CDH23: variants seen among roughly 807,000 people sequenced by gnomAD.
The protein encoded by CDH23 is cadherin related 23.
In CDH23, 189 loss-of-function variants were observed where a neutral mutation model predicts 317.1. The observed-to-expected ratio is 0.60, with a 90% CI of 0.53 to 0.67. The LOEUF (loss-of-function observed/expected upper bound fraction) is 0.67. Ranked by LOEUF, CDH23 falls within the 30% of genes least tolerant of loss-of-function variation. The pLI, the probability that CDH23 is intolerant of heterozygous loss-of-function variation, is 0.00. For synonymous variants in CDH23, 1,839 were observed against 1,876.8 expected (o/e 0.98, Z 0.52); for missense variants, 4,401 against 4,592.4 (o/e 0.96, Z 1.20).
At chr10:71,646,244 TCAG>T (rs1862851167) in intron 13 of CDH23, among the ~76,000 whole-genome samples, 1 of 152,204 alleles carries the variant, frequency 6.6e-6, no homozygotes, top group South Asian at 2.1e-4. Context: ...TCCTGCCAGA[TCAG>T]CCCCTGCTAG....
chr10:71,530,116 C>T (rs768268851), intron 6 of CDH23, among the ~76,000 whole-genome samples: 18 of 151,772 alleles, frequency 1.2e-4, no homozygotes, highest in South Asian at 4.1e-4. Context: ...AATTGCCATG[C>T]GGGCTGAGCT....
At chr10:71,521,920 G>T (rs946412690) in intron 6 of CDH23, among the ~76,000 whole-genome samples, 7 of 152,140 alleles carry the variant, frequency 4.6e-5, no homozygotes, top group African/African-American at 1.7e-4. Context: ...GCAGACAGGG[G>T]CGGTCGCCTG....
At chr10:71,487,344 A>G (rs1356714355) in intron 3 of CDH23, among the ~76,000 whole-genome samples, 7 of 152,194 alleles carry the variant, frequency 4.6e-5, no homozygotes, top group African/African-American at 7.2e-5. Context: ...AGAAATCCTC[A>G]TATAACTTTT....
At chr10:71,583,138 G>A (rs1264700204) in intron 9 of CDH23, among the ~76,000 whole-genome samples, 1 of 152,008 alleles carries the variant, frequency 6.6e-6, no homozygotes, top group East Asian at 1.9e-4. Context: ...AAAGAGGGGC[G>A]GACAGGCAGA....
intron 3 of CDH23, among the ~76,000 whole-genome samples, chr10:71,498,803 C>G (rs926598635): frequency 6.6e-6 from 1 of 152,206 alleles, no homozygotes; most frequent in Non-Finnish European, 1.5e-5. Context: ...TTTGCTATGT[C>G]AGAGGCAGAG....
In CDH23 at chr10:71,410,717, A is replaced by G. The variant is rs1002112775; in HGVS notation, c.-6+13399A>G. 5.9e-5 allele frequency among the ~76,000 whole-genome samples: 9 copies of G among 152,120 alleles called. No individual in the cohort carries two copies. The East Asian group carries it at 1.7e-3, about 29-fold the overall frequency. On this transcript the variant is annotated intron_variant, in intron 1 of 69. Transcript: ENST00000224721. Reference sequence around the variant, plus strand: ...CAGTAGATTCATTTTGCCTATTTTGAACTTTATATAAGTTGAATAATGCAG... The same window carrying G: ...CAGTAGATTCATTTTGCCTATTTTGGACTTTATATAAGTTGAATAATGCAG...
intron 3 of CDH23, among the ~76,000 whole-genome samples, chr10:71,481,655 A>G (rs1589123214): frequency 6.6e-6 from 1 of 152,216 alleles, no homozygotes; most frequent in South Asian, 2.1e-4. Context: ...AAAGCTTTTA[A>G]GTGCTGGAAG....
At chr10:71,674,636 G>A (rs551158835) in intron 14 of CDH23, among the ~76,000 whole-genome samples, 2 of 152,298 alleles carry the variant, frequency 1.3e-5, no homozygotes, top group African/African-American at 4.8e-5. Flanking sequence ...ACTATTATTA[G>A]CACCACCTCC....
intron 28 of CDH23, among the ~76,000 whole-genome samples, chr10:71,720,888 C>T (rs1866526431): frequency 6.6e-6 from 1 of 152,186 alleles, no homozygotes; most frequent in African/African-American, 2.4e-5. Context: ...GGTGTTTCCC[C>T]TGTGCTGGGT....
chr10:71,628,816 A>G (rs1861870892), intron 11 of CDH23, among the ~76,000 whole-genome samples: 1 of 152,234 alleles, frequency 6.6e-6, no homozygotes, highest in South Asian at 2.1e-4. Flanking sequence ...AATTTTCAGC[A>G]TCGAAGTTGT....
chr10:71,536,647 G>C (rs139211852), intron 6 of CDH23, among the ~76,000 whole-genome samples: 369 of 152,232 alleles, frequency 2.4e-3, no homozygotes, highest in Admixed American at 4.1e-3. Flanking sequence ...TGAAGACAGT[G>C]GACAATGGAA....
intron 28 of CDH23, chr10:71,716,436 G>T: frequency 1.0e-6 from 1 of 995,868 alleles, no homozygotes; most frequent in Non-Finnish European, 1.5e-6. Flanking sequence ...GTGGATGGGG[G>T]CAAGGCACTG....
At chr10:71,623,620 G>A (rs1240314008) in intron 11 of CDH23, among the ~76,000 whole-genome samples, 1 of 152,192 alleles carries the variant, frequency 6.6e-6, no homozygotes, top group African/African-American at 2.4e-5. Flanking sequence ...CTCCCACACG[G>A]GAGACACTCC....
chr10:71,431,726 C>G (rs1035343337), intron 1 of CDH23, among the ~76,000 whole-genome samples: 4 of 152,252 alleles, frequency 2.6e-5, no homozygotes, highest in African/African-American at 4.8e-5. Flanking sequence ...CAGATGTCCC[C>G]TCCTGCCCTT....
chr10:71,760,205 ATG>A (rs1432190819), intron 38 of CDH23, among the ~76,000 whole-genome samples: 1 of 51,858 alleles, frequency 1.9e-5, no homozygotes, highest in African/African-American at 1.1e-4. Flanking sequence ...ATACATATAT[ATG>A]TGTGTATATA....
intron 41 of CDH23, 29 bp downstream of exon 41, chr10:71,779,476 C>T: frequency 6.4e-7 from 1 of 1,569,488 alleles, no homozygotes. Flanking sequence ...ATGCCACCCA[C>T]AGGGTCTCAC....
intron 1 of CDH23, among the ~76,000 whole-genome samples, chr10:71,428,195 T>A (rs1422472142): frequency 6.7e-6 from 1 of 149,354 alleles, no homozygotes; most frequent in Non-Finnish European, 1.5e-5. Context: ...TGGAGTGCAG[T>A]GGCACGATCT....
At position 71,646,472 on chromosome 10, in the gene CDH23, AGAG is replaced by A; in HGVS notation, c.1305_1307del (p.Glu435_Ser436delinsAsp). 1 of 1,613,598 alleles carries A rather than the reference AGAG, an allele frequency of 6.2e-7. No individual in the cohort carries two copies. The highest frequency in any genetic ancestry group is 1.7e-5 in the Admixed American group (1 of 59,998). On this transcript the variant is annotated inframe_deletion, in exon 14 of 70. Coordinates refer to ENST00000224721, the MANE Select transcript of CDH23 (RefSeq NM_022124.6). ...CTGCACCCCCAGCTCTTTGCCAATG[AGAG>A]TGTGCCTGACCATGTGGGCTATGCC...
chr10:71,446,324 T>C lies in CDH23; in HGVS notation c.74T>C (p.Val25Ala). Reference sequence around the variant, plus strand: ...CTTGTCCTCTGACTTCCAGGCCAGGTGAACCGGCTGCCCTTCTTCACCAAC... The same window carrying C: ...CTTGTCCTCTGACTTCCAGGCCAGGCGAACCGGCTGCCCTTCTTCACCAAC... ...LVLISGCWGQ[V>A]NRLPFFTNHF... Residue 25 changes from valine to alanine, a missense_variant, in exon 3 of 70, where the codon GTG becomes GCG. Around this residue, in one of 3 missense-constraint regions of CDH23, gnomAD observed 3,068 missense variants for 3,203.3 expected, o/e 0.96. Coordinates refer to ENST00000224721, the MANE Select transcript of CDH23 (RefSeq NM_022124.6). 6.2e-7 allele frequency: 1 copy of C among 1,614,030 alleles called. No homozygotes were observed. Among genetic ancestry groups the C allele is most frequent in the Non-Finnish European group, 8.5e-7 (1 of 1,179,884 alleles).
Sources: gnomAD v4.1 joint callset for allele counts (sites outside exome capture counted in the v4.1 genomes callset) on GRCh38, gnomAD v4.1.1 for gene constraint, gnomAD v4.1.1 regional missense constraint, MANE v1.5 for transcripts, NCBI Gene and HGNC (gene_info 2026-07-23, HGNC 2026-07-21) for gene names.